SNCAIP: variants seen among roughly 807,000 people sequenced by gnomAD.
The protein encoded by SNCAIP is synuclein alpha interacting protein.
SNCAIP carries 43 observed loss-of-function variants against 86.7 expected under a neutral mutation model. The ratio of observed to expected loss-of-function variants is 0.50; its 90% CI spans 0.39 to 0.64. The LOEUF is 0.64. Ranked by LOEUF, SNCAIP falls within the 30% of genes least tolerant of loss-of-function variation. SNCAIP has a pLI of 0.00. For missense variants in SNCAIP, 981 were observed against 1,103.1 expected (o/e 0.89, Z 1.57); for synonymous variants, 417 against 427.2 (o/e 0.98, Z 0.29).
At chr5:122,371,675 T>C (rs1764294788) in intron 1 of SNCAIP, 1 of 152,176 alleles carries the variant, frequency 6.6e-6, no homozygotes, top group South Asian at 2.1e-4. Flanking sequence ...AGGCAGTGAC[T>C]GAGAACTGGT....
At chr5:122,414,936 T>G (rs564498228) in intron 3 of SNCAIP, among the ~76,000 whole-genome samples, 1 of 152,220 alleles carries the variant, frequency 6.6e-6, no homozygotes, top group African/African-American at 2.4e-5. Flanking sequence ...ACACTTGCCT[T>G]GTACTCAGAA....
chr5:122,425,516 A>G lies in SNCAIP; in HGVS notation c.1167A>G (p.Ala389=). 4 of 1,614,064 alleles carry G rather than the reference A, an allele frequency of 2.5e-6. No individual in the cohort carries two copies. Among genetic ancestry groups the G allele is most frequent in the Non-Finnish European group, 3.4e-6 (4 of 1,179,942 alleles). Residue 389 remains alanine (A), a synonymous_variant, in exon 5 of 11, where the codon GCA becomes GCG. Coordinates refer to ENST00000261368, the MANE Select transcript of SNCAIP (RefSeq NM_005460.4). The part of the protein sequence containing the change: ...NERNTEKLTP[A]GLAIKNGQLE... ...GCAACACTGAGAAGTTGACTCCAGC[A>G]GGCCTGGCCATTAAGGTGACTGGTT...
In SNCAIP at chr5:122,440,735, G is replaced by C; in HGVS notation, c.1403G>C (p.Gly468Ala). 1 of 1,614,010 alleles carries C rather than the reference G, an allele frequency of 6.2e-7. No individual in the cohort carries two copies. Among genetic ancestry groups the C allele is most frequent in the Non-Finnish European group, 8.5e-7 (1 of 1,179,924 alleles). Residue 468 changes from glycine to alanine, a missense_variant, in exon 7 of 11, where the codon GGC (glycine) becomes GCC (alanine). By Grantham distance (60) the Gly-to-Ala change is moderately conservative. Coordinates refer to ENST00000261368, the MANE Select transcript of SNCAIP (RefSeq NM_005460.4). ...GCCGTTCACGTAGCCTCACAGCATG[G>C]CTACCTTGGATGCATACAGGTACAC... ...NSAVHVASQH[G>A]YLGCIQTLVE...
intron 1 of SNCAIP, among the ~76,000 whole-genome samples, chr5:122,369,322 C>T (rs1265611098): frequency 3.9e-5 from 6 of 152,168 alleles, no homozygotes; most frequent in African/African-American, 1.4e-4. Context: ...CATAAAGTAA[C>T]AGCAGTCTCT....
At chr5:122,385,438 A>G (rs184856911) in intron 1 of SNCAIP, among the ~76,000 whole-genome samples, 124 of 152,294 alleles carry the variant, frequency 8.1e-4, no homozygotes, top group Admixed American at 2.1e-3. Flanking sequence ...GCTTCTGGCC[A>G]CTGTTGAATC....
intron 1 of SNCAIP, among the ~76,000 whole-genome samples, chr5:122,326,648 G>A (rs1158494272): frequency 9.6e-6 from 1 of 103,862 alleles, no homozygotes; most frequent in Non-Finnish European, 1.8e-5. Flanking sequence ...TTACAATTAA[G>A]TAGAGTCAAG....
chr5:122,366,107 A>G (rs1763136371), intron 1 of SNCAIP, among the ~76,000 whole-genome samples: 2 of 152,238 alleles, frequency 1.3e-5, no homozygotes. Context: ...GAAAATTATA[A>G]TAGAGAATTC....
intron 1 of SNCAIP, among the ~76,000 whole-genome samples, chr5:122,364,480 T>A (rs1762778321): frequency 6.6e-6 from 1 of 152,252 alleles, no homozygotes; most frequent in Non-Finnish European, 1.5e-5. Context: ...ATTTTCAACA[T>A]TTTATTGTTC....
At chr5:122,405,913 GAAGC>G (rs1772870008) in intron 3 of SNCAIP, among the ~76,000 whole-genome samples, 1 of 152,142 alleles carries the variant, frequency 6.6e-6, no homozygotes, top group Non-Finnish European at 1.5e-5. Context: ...TTCAAACTTA[GAAGC>G]TTTTGAACTT....
chr5:122,375,528 G>A (rs1580791028), intron 1 of SNCAIP, among the ~76,000 whole-genome samples: 2 of 127,158 alleles, frequency 1.6e-5, no homozygotes, highest in South Asian at 4.9e-4. Context: ...TTATTATACT[G>A]TCATTCTAGT....
chr5:122,454,601 G>A lies in SNCAIP; in HGVS notation c.2754+3000G>A, dbSNP rs192128280. The A allele has an allele frequency of 6.5e-5, 10 of 152,774 alleles. No homozygotes were observed. The East Asian group carries it at 1.3e-3, about 21-fold the overall frequency. 9.5% of individuals were successfully genotyped at this position (152,774 alleles called of 1,614,324 possible). A position where few individuals can be genotyped will look rare whatever the true frequency, so the allele number is the denominator to read the frequency against. ...TTCTATTTCATTTCTCCTAACCTGGGTTCCTCACCCCTATGCCCTTCTCTG... is the reference window on the plus strand; with the variant it reads ...TTCTATTTCATTTCTCCTAACCTGGATTCCTCACCCCTATGCCCTTCTCTG... On this transcript the variant is annotated intron_variant, in intron 10 of 10. Coordinates refer to ENST00000261368, the MANE Select transcript of SNCAIP (RefSeq NM_005460.4).
intron 3 of SNCAIP, 50 bp downstream of exon 3, chr5:122,403,915 G>A: frequency 3.5e-6 from 5 of 1,419,350 alleles, no homozygotes; most frequent in Admixed American, 1.7e-5. Context: ...AGTGTTAATG[G>A]CTCCTGGAAA....
intron 1 of SNCAIP, among the ~76,000 whole-genome samples, chr5:122,329,923 A>G (rs1041696809): frequency 6.6e-6 from 1 of 152,074 alleles, no homozygotes; most frequent in African/African-American, 2.4e-5. Context: ...CTGGGATTAG[A>G]GCACCTGATT....
intron 1 of SNCAIP, among the ~76,000 whole-genome samples, chr5:122,355,606 A>G (rs562370062): frequency 1.3e-4 from 20 of 152,320 alleles, no homozygotes; most frequent in Non-Finnish European, 2.5e-4. Context: ...ATTGTAGGAA[A>G]AAGTATGTTT....
At chr5:122,385,768 A>C (rs1198466287) in intron 1 of SNCAIP, among the ~76,000 whole-genome samples, 3 of 151,926 alleles carry the variant, frequency 2.0e-5, no homozygotes, top group African/African-American at 7.3e-5. Flanking sequence ...AAAGGTAAAG[A>C]AATAAGTTGT....
chr5:122,463,383 G>A (rs901609813), intron 10 of SNCAIP, 108 bp from the exon 11 acceptor site: 7 of 749,388 alleles, frequency 9.3e-6, no homozygotes, highest in Non-Finnish European at 1.7e-5. Flanking sequence ...CTTCAGTGTG[G>A]TTTGTGTGAG....
At chr5:122,329,573 A>G (rs1754844763) in intron 1 of SNCAIP, among the ~76,000 whole-genome samples, 2 of 152,188 alleles carry the variant, frequency 1.3e-5, no homozygotes, top group African/African-American at 4.8e-5. Flanking sequence ...AAATGAAAAG[A>G]CAGCCCAGCA....
chr5:122,347,727 T>C (rs1468276559), intron 1 of SNCAIP, among the ~76,000 whole-genome samples: 2 of 152,122 alleles, frequency 1.3e-5, no homozygotes, highest in African/African-American at 4.8e-5. Context: ...CTTGGTATAA[T>C]GGACACCTTA....
chr5:122,390,050 G>C (rs192574117), intron 1 of SNCAIP, among the ~76,000 whole-genome samples: 108 of 152,254 alleles, frequency 7.1e-4, no homozygotes, highest in African/African-American at 2.5e-3. Flanking sequence ...CATCAGGCTA[G>C]ATGTATTTTC....
Sources: gnomAD v4.1 joint callset for allele counts (sites outside exome capture counted in the v4.1 genomes callset) on GRCh38, gnomAD v4.1.1 for gene constraint, MANE v1.5 for transcripts, NCBI Gene and HGNC (gene_info 2026-07-23, HGNC 2026-07-21) for gene names.